The following INSM2 variants were observed in gnomAD, a reference collection of about 807,000 sequenced individuals.
INSM2 encodes the protein INSM transcriptional repressor 2.
Under a neutral mutation model 30.5 loss-of-function variants are expected in INSM2, and 12 were observed. The ratio of observed to expected loss-of-function variants is 0.39; its 90% CI spans 0.25 to 0.64. INSM2 has a LOEUF of 0.64. Among genes scored for constraint, INSM2 ranks in the 30% least tolerant of loss-of-function variants. The pLI is 0.47. For missense variants in INSM2, 773 were observed against 819.2 expected (o/e 0.94, Z 0.69); for synonymous variants, 418 against 383.7 (o/e 1.09, Z -1.05).
In INSM2 at chr14:35,534,192, C is replaced by G. The variant is rs903111179; in HGVS notation, c.-61C>G. 7.8e-6 allele frequency: 12 copies of G among 1,535,894 alleles called. No homozygotes were observed. In the South Asian group the frequency reaches 8.7e-5, roughly 11 times the overall value. ...GAAGCTCTTCTAGTTCATCTGCTGG[C>G]CGGCTCTCAGTCCCCGTGGCGCCCC... On this transcript the variant is annotated 5_prime_UTR_variant, in exon 1 of 1. Transcript: ENST00000307169.
rs2053592586 is a variant in INSM2, at chr14:35,535,609, GC to G, written c.1360del (p.Arg454ValfsTer3). The G allele has an allele frequency of 6.2e-7, 1 of 1,613,042 alleles. No individual in the cohort carries two copies. Among genetic ancestry groups the G allele is most frequent in the Non-Finnish European group, 8.5e-7 (1 of 1,180,002 alleles). The stretch of plus-strand genomic sequence containing the variant: ...CCTGAGCACTCACGAGGCGGGCTCG[GC>G]CCGTGCGCTAGCGCCGGGCTTTGGC... ...KHLSTHEAGS[A>X]RALAPGFGSE... On this transcript the variant is annotated frameshift_variant, in exon 1 of 1. Transcript: ENST00000307169. LOFTEE classifies it high-confidence loss of function.
Position 35,536,002 on chromosome 14 carries a change from T to A in INSM2, c.*49T>A, listed in dbSNP as rs374664921. 159 of 1,524,758 alleles carry A rather than the reference T, an allele frequency of 1.0e-4. 1 individual carries two copies. Among genetic ancestry groups the A allele is most frequent in the Middle Eastern group, 7.1e-4 (4 of 5,634 alleles). 94.5% of individuals were successfully genotyped at this position (1,524,758 alleles called of 1,614,324 possible). A position where few individuals can be genotyped will look rare whatever the true frequency, so the allele number is the denominator to read the frequency against. On this transcript the variant is annotated 3_prime_UTR_variant, in exon 1 of 1. Coordinates refer to ENST00000307169, the MANE Select transcript of INSM2 (RefSeq NM_032594.4). ...CGAGGTTGGCCTTAGAGGAAACAGA[T>A]CATGGGAATTTCTGTGGGGCTTTCT... is the stretch of plus-strand genomic sequence containing the variant.
At position 35,534,439 on chromosome 14, in the gene INSM2, G is replaced by T; in HGVS notation, c.187G>T (p.Gly63Trp). The T allele has an allele frequency of 6.8e-7, 1 of 1,481,460 alleles. No individual in the cohort carries two copies. The highest frequency in any genetic ancestry group is 8.9e-7 in the Non-Finnish European group (1 of 1,121,932). 91.8% of individuals were successfully genotyped at this position (1,481,460 alleles called of 1,614,324 possible). The change falls in exon 1 of 1, where the codon GGG (glycine) becomes TGG (tryptophan). Residue 63 changes from glycine to tryptophan, a missense_variant. By Grantham distance (184) the Gly-to-Trp change is radical. Transcript: ENST00000307169. ...TPPTREEPGK[G>W]LTAEAAREQS... ...CCCCACCCGAGAGGAACCAGGAAAG[G>T]GGTTGACGGCGGAGGCGGCCCGGGA...
rs979229000 is a variant in INSM2, at chr14:35,535,840, T to C, written c.1588T>C (p.Cys530Arg). 6.2e-6 allele frequency: 10 copies of C among 1,614,106 alleles called. No individual in the cohort carries two copies. Among genetic ancestry groups the C allele is most frequent in the Non-Finnish European group, 8.5e-6 (10 of 1,180,042 alleles). ...CCAGCAAATTTTCTCGTGCAAGCAC[T>C]GCCCGTCCACTTTTTTTAGCTCTCC... ...SAQQIFSCKH[C>R]PSTFFSSPGL... The change falls in exon 1 of 1, where the codon TGC becomes CGC. Residue 530 changes from cysteine to arginine, a missense_variant. Transcript: ENST00000307169.
rs780664864 is a variant in INSM2 at position 35,535,813 on chromosome 14, G to A, written c.1561G>A (p.Ala521Thr). Residue 521 changes from alanine to threonine, a missense_variant, in exon 1 of 1, where the codon GCC becomes ACC. Ala to Thr is a moderately conservative substitution (Grantham distance 58, BLOSUM62 0). Coordinates refer to ENST00000307169, the MANE Select transcript of INSM2 (RefSeq NM_032594.4). ...SGPSGPSDGS[A>T]QQIFSCKHCP... The stretch of plus-strand genomic sequence containing the variant: ...CCCTAGCGGGCCATCTGACGGGAGT[G>A]CCCAGCAAATTTTCTCGTGCAAGCA... The A allele has an allele frequency of 6.2e-7, 1 of 1,613,984 alleles. No individual in the cohort carries two copies. Among genetic ancestry groups the A allele is most frequent in the Non-Finnish European group, 8.5e-7 (1 of 1,180,030 alleles).
rs758543449 is a variant in INSM2, at chr14:35,535,433, A to G, written c.1181A>G (p.Glu394Gly). The G allele has an allele frequency of 6.2e-7, 1 of 1,612,254 alleles. No individual in the cohort carries two copies. Among genetic ancestry groups the G allele is most frequent in the South Asian group, 1.1e-5 (1 of 91,056 alleles). The change falls in exon 1 of 1, where the codon GAG becomes GGG. Residue 394 changes from glutamate (E) to glycine (G), a missense_variant. Coordinates refer to ENST00000307169, the MANE Select transcript of INSM2 (RefSeq NM_032594.4). ...GGCCTCCAGGTGCTGACGCATCCAG[A>G]GCCACCGCTGCCTCAGGGCCCCTAC... ...RQGLQVLTHPEPPLPQGPYTE... is the reference protein window; with the variant it reads ...RQGLQVLTHPGPPLPQGPYTE...
chr14:35,536,080 C>A lies in INSM2; in HGVS notation c.*127C>A. On this transcript the variant is annotated 3_prime_UTR_variant, in exon 1 of 1. Transcript: ENST00000307169. The stretch of plus-strand genomic sequence containing the variant: ...TCCTATGTTTTAATCCCCTAAAATT[C>A]TCCCTGTAGTCAATGTTCCACCAGA... The A allele has an allele frequency of 2.5e-6, 3 of 1,192,554 alleles. No individual in the cohort carries two copies. The highest frequency in any genetic ancestry group is 2.1e-4 in the Middle Eastern group (1 of 4,798). The allele number at this position is 1,192,554 out of a possible 1,614,324, so 73.9% of individuals were successfully genotyped here. A position where few individuals can be genotyped will look rare whatever the true frequency, so the allele number is the denominator to read the frequency against.
In INSM2 at chr14:35,535,954, G is replaced by A; in HGVS notation, c.*1G>A. On this transcript the variant is annotated 3_prime_UTR_variant, in exon 1 of 1. Coordinates refer to ENST00000307169, the MANE Select transcript of INSM2 (RefSeq NM_032594.4). ...GATGCCACTGCGGCCTGGCTGCTGA[G>A]GGACGAGAGACCAGGATGATTTCGA... The A allele has an allele frequency of 6.3e-7, 1 of 1,596,324 alleles. No homozygotes were observed. The highest frequency in any genetic ancestry group is 8.5e-7 in the Non-Finnish European group (1 of 1,172,134).
At position 35,534,332 on chromosome 14, in the gene INSM2, C is replaced by A; in HGVS notation, c.80C>A (p.Pro27His). The change falls in exon 1 of 1, where the codon CCT becomes CAT. Residue 27 changes from proline to histidine, a missense_variant. Pro to His is a moderately conservative substitution (Grantham distance 77, BLOSUM62 -2). Coordinates refer to ENST00000307169, the MANE Select transcript of INSM2 (RefSeq NM_032594.4). ...YRVRLAERVF[P>H]LLGPQGAPPF... ...GTTCGCCTTGCGGAGCGTGTCTTCC[C>A]TCTGCTGGGGCCCCAGGGGGCGCCG... is the stretch of plus-strand genomic sequence containing the variant. 6.3e-7 allele frequency: 1 copy of A among 1,589,716 alleles called. No individual in the cohort carries two copies. The highest frequency in any genetic ancestry group is 2.5e-5 in the East Asian group (1 of 40,772).
Position 35,535,774 on chromosome 14 carries a change from C to T in INSM2, c.1522C>T (p.Pro508Ser). Residue 508 changes from proline (P) to serine (S), a missense_variant, in exon 1 of 1, where the codon CCC becomes TCC. By Grantham distance (74) the Pro-to-Ser change is moderately conservative. Coordinates refer to ENST00000307169, the MANE Select transcript of INSM2 (RefSeq NM_032594.4). The part of the protein sequence containing the change: ...LLLPALAGAP[P>S]ETSGPSGPSD... Reference sequence around the variant, plus strand: ...CCTGCCCGCTCTGGCGGGGGCTCCTCCCGAAACGTCGGGCCCTAGCGGGCC... The same window carrying T: ...CCTGCCCGCTCTGGCGGGGGCTCCTTCCGAAACGTCGGGCCCTAGCGGGCC... 1 of 1,613,370 alleles carries T rather than the reference C, an allele frequency of 6.2e-7. No homozygotes were observed. Among genetic ancestry groups the T allele is most frequent in the Non-Finnish European group, 8.5e-7 (1 of 1,179,928 alleles).
In INSM2 at chr14:35,535,352, C is replaced by G; in HGVS notation, c.1100C>G (p.Pro367Arg). ...SRIERTADQHPQARDSSGADQ... is the reference protein window; with the variant it reads ...SRIERTADQHRQARDSSGADQ... Reference sequence around the variant, plus strand: ...ATAGAGCGGACTGCGGATCAGCACCCGCAGGCCAGGGACAGCTCCGGGGCG... The same window carrying G: ...ATAGAGCGGACTGCGGATCAGCACCGGCAGGCCAGGGACAGCTCCGGGGCG... The change falls in exon 1 of 1, where the codon CCG becomes CGG. Residue 367 changes from proline to arginine, a missense_variant. Coordinates refer to ENST00000307169, the MANE Select transcript of INSM2 (RefSeq NM_032594.4). The G allele has an allele frequency of 6.2e-7, 1 of 1,610,676 alleles. No individual in the cohort carries two copies. The highest frequency in any genetic ancestry group is 8.5e-7 in the Non-Finnish European group (1 of 1,178,494).
rs1235334180 is a variant in INSM2 at position 35,535,649 on chromosome 14, C to T, written c.1397C>T (p.Ala466Val). The T allele has an allele frequency of 2.5e-6, 4 of 1,613,078 alleles. No individual in the cohort carries two copies. The highest frequency in any genetic ancestry group is 2.5e-6 in the Non-Finnish European group (3 of 1,180,032). Residue 466 changes from alanine (A) to valine (V), a missense_variant, in exon 1 of 1, where the codon GCC becomes GTC. Physicochemically the swap from Ala to Val is moderately conservative, Grantham distance 64 (BLOSUM62 0). Coordinates refer to ENST00000307169, the MANE Select transcript of INSM2 (RefSeq NM_032594.4). Reference protein sequence around the residue: ...LAPGFGSERGAPLAFACPLCG... With the variant: ...LAPGFGSERGVPLAFACPLCG... ...CCGGGCTTTGGCTCCGAACGCGGTG[C>T]CCCACTTGCCTTCGCTTGCCCATTG... is the stretch of plus-strand genomic sequence containing the variant.
rs2053577948 is a variant in INSM2 at position 35,534,344 on chromosome 14, C to T, written c.92C>T (p.Pro31Leu). Reference protein sequence around the residue: ...LAERVFPLLGPQGAPPFLEEA... With the variant: ...LAERVFPLLGLQGAPPFLEEA... ...GAGCGTGTCTTCCCTCTGCTGGGGC[C>T]CCAGGGGGCGCCGCCCTTCTTGGAG... Residue 31 changes from proline (P) to leucine (L), a missense_variant, in exon 1 of 1, where the codon CCC becomes CTC. Transcript: ENST00000307169. The T allele has an allele frequency of 6.3e-7, 1 of 1,580,888 alleles. No homozygotes were observed. Among genetic ancestry groups the T allele is most frequent in the Non-Finnish European group, 8.6e-7 (1 of 1,166,044 alleles).
In INSM2 at chr14:35,535,956, G is replaced by T; in HGVS notation, c.*3G>T. On this transcript the variant is annotated 3_prime_UTR_variant, in exon 1 of 1. Transcript: ENST00000307169. ...TGCCACTGCGGCCTGGCTGCTGAGG[G>T]ACGAGAGACCAGGATGATTTCGAGG... 1.3e-6 allele frequency: 2 copies of T among 1,594,512 alleles called. No homozygotes were observed. The highest frequency in any genetic ancestry group is 1.7e-6 in the Non-Finnish European group (2 of 1,171,426).
In INSM2 at chr14:35,535,741, G is replaced by A. The variant is rs576651153; in HGVS notation, c.1489G>A (p.Glu497Lys). The A allele has an allele frequency of 3.7e-6, 6 of 1,613,446 alleles. No homozygotes were observed. In the African/African-American group the frequency reaches 8.0e-5, roughly 21 times the overall value. Residue 497 changes from glutamate (E) to lysine (K), a missense_variant, in exon 1 of 1, where the codon GAG becomes AAG. Glu to Lys is a moderately conservative substitution (Grantham distance 56). Transcript: ENST00000307169. ...CCGGCTGTGGCATGCTGTCCGCGAG[G>A]AGCTGCTCCTGCCCGCTCTGGCGGG... ...KHRLWHAVRE[E>K]LLLPALAGAP...
Position 35,536,073 on chromosome 14 carries a change from T to C in INSM2, c.*120T>C. ...CATTCCTTCCTATGTTTTAATCCCC[T>C]AAAATTCTCCCTGTAGTCAATGTTC... On this transcript the variant is annotated 3_prime_UTR_variant, in exon 1 of 1. Transcript: ENST00000307169. The C allele has an allele frequency of 1.6e-6, 2 of 1,261,706 alleles. No homozygotes were observed. Among genetic ancestry groups the C allele is most frequent in the Non-Finnish European group, 2.2e-6 (2 of 905,922 alleles). 78.2% of individuals were successfully genotyped at this position (1,261,706 alleles called of 1,614,324 possible).
rs1329571184 is a variant in INSM2 at position 35,535,082 on chromosome 14, C to A, written c.830C>A (p.Ala277Glu). The A allele has an allele frequency of 1.9e-6, 3 of 1,600,698 alleles. No homozygotes were observed. Among genetic ancestry groups the A allele is most frequent in the African/African-American group, 2.7e-5 (2 of 74,670 alleles). ...AAGGAGCAGTACGCAGACCCCTTCG[C>A]GCTGGCCCAGCACCGCTGCTCCCGC... ...LCKEQYADPF[A>E]LAQHRCSRIV... Residue 277 changes from alanine to glutamate, a missense_variant, in exon 1 of 1, where the codon GCG becomes GAG. Transcript: ENST00000307169.
chr14:35,534,858 G>A lies in INSM2; in HGVS notation c.606G>A (p.Lys202=), dbSNP rs758839806. The change falls in exon 1 of 1, where the codon AAG becomes AAA. Residue 202 remains lysine, a synonymous_variant. Coordinates refer to ENST00000307169, the MANE Select transcript of INSM2 (RefSeq NM_032594.4). ...KRAAGGERRG[K]APTDCASGPA... ...CGGCCGGCGGCGAGCGCCGCGGCAA[G>A]GCACCCACGGACTGCGCGTCTGGAC... 2 of 1,555,734 alleles carry A rather than the reference G, an allele frequency of 1.3e-6. No homozygotes were observed. The highest frequency in any genetic ancestry group is 1.4e-5 in the African/African-American group (1 of 70,182).
rs761448230 is a variant in INSM2 at position 35,534,612 on chromosome 14, G to C, written c.360G>C (p.Leu120=). The stretch of plus-strand genomic sequence containing the variant: ...CAGCGAAGCCGGCAGGCGCAGAGCT[G>C]CGTCGGGCGTTCCTGGAGCGCTGCC... The part of the protein sequence containing the change: ...PSPAKPAGAE[L]RRAFLERCLS... Residue 120 remains leucine, a synonymous_variant, in exon 1 of 1, where the codon CTG becomes CTC. Transcript: ENST00000307169. 3 of 1,447,540 alleles carry C rather than the reference G, an allele frequency of 2.1e-6. No individual in the cohort carries two copies. In the East Asian group the frequency reaches 8.8e-5, roughly 42 times the overall value. 89.7% of individuals were successfully genotyped at this position (1,447,540 alleles called of 1,614,324 possible).
Sources: allele counts gnomAD v4.1 joint callset, GRCh38; gene constraint gnomAD v4.1.1; transcripts MANE v1.5; gene names NCBI Gene and HGNC (gene_info 2026-07-23, HGNC 2026-07-21).